Variants in MYT1L observed in about 807,000 individuals in gnomAD.
MYT1L encodes the protein myelin transcription factor 1 like.
Under a neutral mutation model 126.7 loss-of-function variants are expected in MYT1L, and 12 were observed. That is an observed-to-expected ratio of 0.09 (90% CI 0.06 to 0.15). MYT1L has a LOEUF of 0.15. Ranked by LOEUF, MYT1L falls within the 10% of genes least tolerant of loss-of-function variation. MYT1L has a pLI of 1.00. For missense variants in MYT1L, 979 were observed against 1,585.2 expected, an observed-to-expected ratio of 0.62 and a Z score of 6.49; for synonymous variants, 541 against 604.2, an observed-to-expected ratio of 0.90 and a Z score of 1.53.
chr2:2,271,895 T>A (rs2095271027), intron 2 of MYT1L, among the ~76,000 whole-genome samples: 1 of 152,220 alleles, frequency 6.6e-6, no homozygotes, highest in Non-Finnish European at 1.5e-5. Context: ...ACTAGGTGGG[T>A]GGATCAATGG....
At chr2:1,989,294 G>C (rs573637230) in intron 5 of MYT1L, among the ~76,000 whole-genome samples, 2 of 152,286 alleles carry the variant, frequency 1.3e-5, no homozygotes, top group East Asian at 1.9e-4. Context: ...GAGCAGCTGA[G>C]AGTGTCTTCT....
chr2:1,909,602 T>G (rs958932713), intron 13 of MYT1L, among the ~76,000 whole-genome samples: 2 of 152,198 alleles, frequency 1.3e-5, no homozygotes, highest in Non-Finnish European at 2.9e-5. Flanking sequence ...AAAACTTCAA[T>G]AAAACAGTGG....
intron 21 of MYT1L, among the ~76,000 whole-genome samples, chr2:1,823,434 TC>T (rs1216600992): frequency 1.3e-5 from 2 of 152,148 alleles, no homozygotes; most frequent in African/African-American, 4.8e-5. Flanking sequence ...GGGCTTCGGC[TC>T]CGGGGTCCTG....
At chr2:1,951,321 C>A (rs1172974094) in intron 8 of MYT1L, among the ~76,000 whole-genome samples, 1 of 151,148 alleles carries the variant, frequency 6.6e-6, no homozygotes, top group African/African-American at 2.4e-5. Flanking sequence ...GGTTTGGGGA[C>A]TGGGGAGGGA....
At chr2:1,956,648 T>C (rs959643155) in intron 8 of MYT1L, among the ~76,000 whole-genome samples, 4 of 150,422 alleles carry the variant, frequency 2.7e-5, no homozygotes, top group African/African-American at 7.4e-5. Flanking sequence ...AGCTATCTAT[T>C]TATCTATCTA....
At chr2:1,866,436 G>A (rs1273784660) in intron 18 of MYT1L, among the ~76,000 whole-genome samples, 2 of 150,734 alleles carry the variant, frequency 1.3e-5, no homozygotes, top group Non-Finnish European at 3.0e-5. Context: ...GGCAGAGAGA[G>A]AGAGTGGGAG....
intron 2 of MYT1L, among the ~76,000 whole-genome samples, chr2:2,278,978 T>G (rs1397360151): frequency 1.3e-5 from 2 of 152,106 alleles, no homozygotes; most frequent in Admixed American, 6.5e-5. Context: ...GGGAGGCACC[T>G]TCACTAGGGC....
chr2:2,010,433 G>T (rs1174553011), intron 4 of MYT1L, among the ~76,000 whole-genome samples: 2 of 152,098 alleles, frequency 1.3e-5, no homozygotes, highest in Non-Finnish European at 2.9e-5. Context: ...GTTAGGTGTT[G>T]TCTGGGTGTA....
At chr2:1,984,505 A>AT (rs35510686) in intron 5 of MYT1L, among the ~76,000 whole-genome samples, 31,603 of 114,284 alleles carry the variant, frequency 0.28, 5,849 homozygotes, top group African/African-American at 0.49. Flanking sequence ...CCAAGAACTA[A>AT]TTTTTTTTTT....
At chr2:2,044,686 G>T (rs2067957873) in intron 4 of MYT1L, among the ~76,000 whole-genome samples, 1 of 152,190 alleles carries the variant, frequency 6.6e-6, no homozygotes, top group Admixed American at 6.5e-5. Flanking sequence ...GAGAGATGGT[G>T]ATTGGGCGAT....
intron 15 of MYT1L, among the ~76,000 whole-genome samples, chr2:1,891,363 G>C (rs1171060714): frequency 6.6e-6 from 1 of 152,210 alleles, no homozygotes; most frequent in Non-Finnish European, 1.5e-5. Flanking sequence ...GTTCTCCCCA[G>C]CCGCCTGGTG....
chr2:2,124,880 C>T (rs2147941617), intron 3 of MYT1L, among the ~76,000 whole-genome samples: 1 of 152,310 alleles, frequency 6.6e-6, no homozygotes, highest in African/African-American at 2.4e-5. Context: ...CGACTCAGGT[C>T]GGTGCTGGCC....
At chr2:2,048,887 A>C (rs892876113) in intron 4 of MYT1L, among the ~76,000 whole-genome samples, 3 of 152,204 alleles carry the variant, frequency 2.0e-5, no homozygotes, top group Non-Finnish European at 4.4e-5. Flanking sequence ...CTACTCTCCT[A>C]CAGGGTGGTG....
chr2:2,135,687 G>A (rs1165109492), intron 3 of MYT1L, among the ~76,000 whole-genome samples: 1 of 152,212 alleles, frequency 6.6e-6, no homozygotes, highest in African/African-American at 2.4e-5. Flanking sequence ...AAAGGAGGCT[G>A]GGTCTTGTAC....
intron 4 of MYT1L, among the ~76,000 whole-genome samples, chr2:1,998,046 A>G (rs925645120): frequency 8.5e-5 from 13 of 152,258 alleles, no homozygotes; most frequent in Admixed American, 6.5e-4. Context: ...TCTTCCCACC[A>G]TGAATTAAGG....
chr2:2,222,236 C>T (rs2093895055), intron 2 of MYT1L, among the ~76,000 whole-genome samples: 1 of 152,108 alleles, frequency 6.6e-6, no homozygotes, highest in South Asian at 2.1e-4. Context: ...TCAGGCCTGT[C>T]TGTAATCCCA....
In MYT1L at chr2:1,956,432, ATCTATCTACCT is replaced by A. The variant is rs1341272423; in HGVS notation, c.153-13109_153-13099del. ...TATCTATCTATCTATCTATCTATCT[ATCTATCTACCT>A]ATCATCTATCTATCCTATTCTATAT... On this transcript the variant is annotated intron_variant, in intron 8 of 24. Transcript: ENST00000647738. 1.6e-3 allele frequency among the ~76,000 whole-genome samples: 218 copies of A among 138,954 alleles called. 28 individuals are homozygous for A. Among genetic ancestry groups the A allele is most frequent in the African/African-American group, 5.9e-3 (204 of 34,550 alleles). The allele number at this position is 138,954 out of a possible 152,430, so 91.2% of individuals were successfully genotyped here.
chr2:2,328,751 C>A (rs1394799627), intron 1 of MYT1L, among the ~76,000 whole-genome samples: 4 of 152,028 alleles, frequency 2.6e-5, no homozygotes, highest in African/African-American at 9.7e-5. Flanking sequence ...TACAATTTTC[C>A]AACCCACAAC....
At chr2:2,136,831 C>A (rs961493327) in intron 3 of MYT1L, among the ~76,000 whole-genome samples, 1 of 152,182 alleles carries the variant, frequency 6.6e-6, no homozygotes, top group Admixed American at 6.5e-5. Flanking sequence ...GTTGGAAGTT[C>A]TGGCCAGGGC....
Sources: allele counts gnomAD v4.1 joint callset (sites outside exome capture counted in the v4.1 genomes callset), GRCh38; gene constraint gnomAD v4.1.1; transcripts MANE v1.5; gene names NCBI Gene and HGNC (gene_info 2026-07-23, HGNC 2026-07-21).